The following AXL variants were observed in gnomAD, a reference collection of about 807,000 sequenced individuals.
AXL encodes the protein AXL receptor tyrosine kinase.
AXL carries 52 observed loss-of-function variants against 104.5 expected under a neutral mutation model. That is an observed-to-expected ratio of 0.50 (90% CI 0.40 to 0.63). AXL has a LOEUF of 0.63. AXL is among the 20% of genes least tolerant of loss of function. AXL has a pLI of 0.00. For missense variants in AXL, 1,024 were observed against 1,188.5 expected (o/e 0.86, Z 2.04); for synonymous variants, 455 against 473.7 (o/e 0.96, Z 0.51).
Position 41,252,256 on chromosome 19 carries a change from GTGA to G in AXL, c.1712-71_1712-69del, listed in dbSNP as rs530798566. 5,531 of 998,166 alleles carry G rather than the reference GTGA, an allele frequency of 5.5e-3. 29 individuals carry two copies. Among genetic ancestry groups the G allele is most frequent in the African/African-American group, 0.026 (1,633 of 62,592 alleles). 61.8% of individuals were successfully genotyped at this position (998,166 alleles called of 1,614,324 possible). On this transcript the variant is annotated intron_variant, in intron 14 of 19. Transcript: ENST00000301178. ...TACTAATCATGTTTGATGAAGATGA[GTGA>G]TGATGATGATGATGATGATGATGGA...
intron 10 of AXL, among the ~76,000 whole-genome samples, chr19:41,241,157 C>T (rs2034174390): frequency 6.6e-6 from 1 of 152,158 alleles, no homozygotes; most frequent in Admixed American, 6.6e-5. Flanking sequence ...TCCCACTTCA[C>T]ACACCCCCAA....
intron 6 of AXL, among the ~76,000 whole-genome samples, chr19:41,236,755 C>T (rs570681826): frequency 3.6e-4 from 52 of 144,190 alleles, no homozygotes; most frequent in African/African-American, 1.2e-3. Context: ...ATAGCCTGGG[C>T]GACAGAGCAA....
intron 6 of AXL, among the ~76,000 whole-genome samples, chr19:41,232,934 G>A (rs2122223457): frequency 6.6e-6 from 1 of 152,200 alleles, no homozygotes; most frequent in Middle Eastern, 3.4e-3. Flanking sequence ...GATTGTCCAA[G>A]GTCACATCAA....
chr19:41,229,357 C>T (rs543311367), intron 4 of AXL, among the ~76,000 whole-genome samples: 13 of 152,118 alleles, frequency 8.5e-5, no homozygotes, highest in South Asian at 4.1e-4. Flanking sequence ...TCCACCTCCC[C>T]GGGCACAGGT....
At chr19:41,255,545 T>C (rs2034439689) in intron 17 of AXL, among the ~76,000 whole-genome samples, 1 of 151,920 alleles carries the variant, frequency 6.6e-6, no homozygotes. Context: ...GCTCAAGCTA[T>C]CCTTCTGCCT....
intron 1 of AXL, among the ~76,000 whole-genome samples, chr19:41,219,851 G>A (rs1291248240): frequency 2.0e-5 from 3 of 151,652 alleles, no homozygotes; most frequent in Non-Finnish European, 4.4e-5. Flanking sequence ...TCAGGCAGTG[G>A]GATGAGGAGG....
At chr19:41,247,468 A>C (rs1476093708) in intron 12 of AXL, among the ~76,000 whole-genome samples, 1 of 151,936 alleles carries the variant, frequency 6.6e-6, no homozygotes, top group Non-Finnish European at 1.5e-5. Context: ...GCGCCATCGC[A>C]CTCCAGCCTG....
chr19:41,228,201 C>T (rs1363779563), intron 4 of AXL, among the ~76,000 whole-genome samples: 4 of 152,052 alleles, frequency 2.6e-5, no homozygotes, highest in Non-Finnish European at 5.9e-5. Flanking sequence ...GCACGCTGGT[C>T]ATACCAACAC....
chr19:41,244,376 A>C (rs1050357839), intron 12 of AXL, among the ~76,000 whole-genome samples: 5 of 152,184 alleles, frequency 3.3e-5, no homozygotes, highest in African/African-American at 1.2e-4. Context: ...AATCACAGGC[A>C]ACCCTAGCAC....
Position 41,257,607 on chromosome 19 carries a change from C to T in AXL, c.2311C>T (p.Pro771Ser), listed in dbSNP as rs147769214. 16 of 1,614,074 alleles carry T rather than the reference C, an allele frequency of 9.9e-6. No individual in the cohort carries two copies. The highest frequency in any genetic ancestry group is 1.4e-5 in the Non-Finnish European group (16 of 1,180,032). Residue 771 changes from proline (P) to serine (S), a missense_variant, in exon 19 of 20, where the codon CCT becomes TCT. By Grantham distance (74) the Pro-to-Ser change is moderately conservative (BLOSUM62 -1). This residue lies in a region of AXL where 523 missense variants were observed against 636.0 expected (regional missense o/e 0.82). Transcript: ENST00000301178. ...GCGCCAGGGAAATCGCCTGAAGCAG[C>T]CTGCGGACTGTCTGGATGGACTGTG... Reference protein sequence around the residue: ...YLRQGNRLKQPADCLDGLYAL... With the variant: ...YLRQGNRLKQSADCLDGLYAL...
chr19:41,246,402 G>A (rs1291769851), intron 12 of AXL, among the ~76,000 whole-genome samples: 1 of 150,880 alleles, frequency 6.6e-6, no homozygotes, highest in Non-Finnish European at 1.5e-5. Context: ...AGCTGAGGTT[G>A]TACCACTGGA....
At position 41,248,036 on chromosome 19, in the gene AXL, C is replaced by T. The variant is rs146411308; in HGVS notation, c.1538-478C>T. Among the ~76,000 whole-genome samples the T allele has an allele frequency of 5.9e-3, 897 of 152,024 alleles. 4 individuals carry two copies. The highest frequency in any genetic ancestry group is 0.02 in the African/African-American group (836 of 41,432). On this transcript the variant is annotated intron_variant, in intron 12 of 19. Coordinates refer to ENST00000301178, the MANE Select transcript of AXL (RefSeq NM_021913.5). ...CTCTTGGGTTCAAGTGATTTTCCTG[C>T]CTCAGCCTCCCCAGTAGCTGGGACT...
At chr19:41,243,358 T>C (rs2034216233) in intron 11 of AXL, among the ~76,000 whole-genome samples, 1 of 152,144 alleles carries the variant, frequency 6.6e-6, no homozygotes, top group Non-Finnish European at 1.5e-5. Flanking sequence ...AGATGGAGGC[T>C]ACAGTGAGCT....
Position 41,253,586 on chromosome 19 carries a change from C to T in AXL, c.1927-13C>T. ...TCTGTTGACCTCTCCTCCCACCTGC[C>T]TTGGCTCCCCAGTACCTGCCCACTC... On this transcript the variant is annotated splice_polypyrimidine_tract_variant and intron_variant, in intron 16 of 19. Transcript: ENST00000301178. 1 of 1,604,714 alleles carries T rather than the reference C, an allele frequency of 6.2e-7. No individual in the cohort carries two copies. The highest frequency in any genetic ancestry group is 1.7e-4 in the Middle Eastern group (1 of 6,050).
At chr19:41,220,365 GC>G (rs1009543207) in intron 1 of AXL, 141 of 420,290 alleles carry the variant, frequency 3.4e-4, no homozygotes, top group African/African-American at 2.6e-3. Flanking sequence ...GCAGGGGCTG[GC>G]CCTGCCAGGC....
At chr19:41,255,319 TC>T (rs2122285987) in intron 17 of AXL, among the ~76,000 whole-genome samples, 1 of 152,028 alleles carries the variant, frequency 6.6e-6, no homozygotes, top group South Asian at 2.1e-4. Flanking sequence ...TCTTTTTCTT[TC>T]TTTTCTTTCT....
At position 41,219,297 on chromosome 19, in the gene AXL, C is replaced by A. The variant is rs1401733508; in HGVS notation, c.-96C>A. ...TGTGCCAGGCAGGCAGTGCCAAATC[C>A]GGGGAGCCTGGAGCTGGGGGGAGGG... On this transcript the variant is annotated 5_prime_UTR_variant, in exon 1 of 20. Transcript: ENST00000301178. 15 of 1,262,504 alleles carry A rather than the reference C, an allele frequency of 1.2e-5. No individual in the cohort carries two copies. In the Admixed American group the frequency reaches 4.1e-4, roughly 35 times the overall value. 78.2% of individuals were successfully genotyped at this position (1,262,504 alleles called of 1,614,324 possible). A position where few individuals can be genotyped will look rare whatever the true frequency, so the allele number is the denominator to read the frequency against.
At chr19:41,254,604 G>A (rs1035162822) in intron 17 of AXL, among the ~76,000 whole-genome samples, 1 of 151,832 alleles carries the variant, frequency 6.6e-6, no homozygotes, top group Non-Finnish European at 1.5e-5. Context: ...GAAGGTGGAG[G>A]GAATGGAACC....
Position 41,261,468 on chromosome 19 carries a change from T to C in AXL, c.*1564T>C, listed in dbSNP as rs1416976214. On this transcript the variant is annotated 3_prime_UTR_variant, in exon 20 of 20. Coordinates refer to ENST00000301178, the MANE Select transcript of AXL (RefSeq NM_021913.5). Reference sequence around the variant, plus strand: ...TTCTAAGTTTCTAAGATTCTAAAGGTCCACAGGTCTAGACTATTAGGTGCA... The same window carrying C: ...TTCTAAGTTTCTAAGATTCTAAAGGCCCACAGGTCTAGACTATTAGGTGCA... 6.6e-6 allele frequency: 1 copy of C among 152,442 alleles called. No homozygotes were observed. The highest frequency in any genetic ancestry group is 1.9e-4 in the East Asian group (1 of 5,200). 9.4% of individuals were successfully genotyped at this position (152,442 alleles called of 1,614,324 possible).
Sources: gnomAD v4.1 joint callset for allele counts (sites outside exome capture counted in the v4.1 genomes callset) on GRCh38, gnomAD v4.1.1 for gene constraint, gnomAD v4.1.1 regional missense constraint, MANE v1.5 for transcripts, NCBI Gene and HGNC (gene_info 2026-07-23, HGNC 2026-07-21) for gene names.